The following CSMD2 variants were observed in gnomAD, a reference collection of about 807,000 sequenced individuals.
CSMD2 encodes CUB and sushi domain-containing protein 2.
CSMD2 carries 130 observed loss-of-function variants against 398.5 expected under a neutral mutation model. The observed-to-expected ratio is 0.33, with a 90% confidence interval of 0.28 to 0.38. The LOEUF (loss-of-function observed/expected upper bound fraction) is 0.38. Ranked by LOEUF, CSMD2 falls within the 10% of genes least tolerant of loss-of-function variation. CSMD2 has a pLI of 1.00. For synonymous variants in CSMD2, 1,828 were observed against 1,908.5 expected (o/e 0.96, Z 1.10); for missense variants, 3,829 against 4,764.9 (o/e 0.80, Z 5.78).
At chr1:33,923,939 A>G (rs191088736) in intron 4 of CSMD2, among the ~76,000 whole-genome samples, 3 of 152,284 alleles carry the variant, frequency 2.0e-5, no homozygotes, top group Admixed American at 2.0e-4. Flanking sequence ...GTGCCAAAAA[A>G]GGTTGGGGAC....
intron 12 of CSMD2, among the ~76,000 whole-genome samples, chr1:33,777,007 G>C (rs1409655003): frequency 6.6e-6 from 1 of 152,162 alleles, no homozygotes; most frequent in Non-Finnish European, 1.5e-5. Flanking sequence ...GGCAAGTAGG[G>C]AGGAGGAGAT....
At chr1:33,673,775 C>T (rs1370120136) in intron 25 of CSMD2, among the ~76,000 whole-genome samples, 1 of 152,232 alleles carries the variant, frequency 6.6e-6, no homozygotes, top group Non-Finnish European at 1.5e-5. Flanking sequence ...GGCAGAAACT[C>T]TGCAAGCCAG....
At chr1:34,080,438 T>C (rs1023678797) in intron 2 of CSMD2, among the ~76,000 whole-genome samples, 4 of 152,062 alleles carry the variant, frequency 2.6e-5, no homozygotes, top group African/African-American at 2.4e-5. Context: ...ATATCTTTCT[T>C]CATAGAATAC....
intron 3 of CSMD2, among the ~76,000 whole-genome samples, chr1:33,964,152 G>A (rs1261225938): frequency 1.3e-5 from 2 of 152,176 alleles, no homozygotes; most frequent in Non-Finnish European, 2.9e-5. Context: ...AGATTGAAGT[G>A]GTGCCATGGA....
At chr1:34,086,871 C>T (rs978125233) in intron 2 of CSMD2, among the ~76,000 whole-genome samples, 2 of 152,134 alleles carry the variant, frequency 1.3e-5, no homozygotes, top group East Asian at 3.9e-4. Context: ...GGATCTACCA[C>T]CTTCTGCCAC....
intron 15 of CSMD2, among the ~76,000 whole-genome samples, chr1:33,734,342 T>C (rs1266252798): frequency 2.6e-5 from 4 of 152,198 alleles, no homozygotes; most frequent in Non-Finnish European, 5.9e-5. Context: ...TTTGAAATTT[T>C]TACAACCACC....
chr1:33,636,317 C>T lies in CSMD2; in HGVS notation c.4969+43G>A, dbSNP rs766524079. 33 of 1,522,880 alleles carry T rather than the reference C, an allele frequency of 2.2e-5. No individual in the cohort carries two copies. Among genetic ancestry groups the T allele is most frequent in the Non-Finnish European group, 2.9e-5 (33 of 1,125,338 alleles). The allele number at this position is 1,522,880 out of a possible 1,614,324, so 94.3% of individuals were successfully genotyped here. A position where few individuals can be genotyped will look rare whatever the true frequency, so the allele number is the denominator to read the frequency against. ...CACAGCACCCTCTGCCCCTGGCATG[C>T]CCTCAGTTCCTCAGACCCCTGCCAT... is the stretch of plus-strand genomic sequence containing the variant. On this transcript the variant is annotated intron_variant, in intron 30 of 70. Transcript: ENST00000373381. The surrounding 1 kb of genome is among the most constrained non-coding windows in gnomAD (Gnocchi z 4.8).
chr1:34,030,859 C>T (rs1260185168), intron 3 of CSMD2, among the ~76,000 whole-genome samples: 2 of 152,176 alleles, frequency 1.3e-5, no homozygotes, highest in Non-Finnish European at 2.9e-5. Context: ...TCTAGTGTCC[C>T]TGACCCAGTC....
chr1:33,699,893 G>A (rs1645549046), intron 23 of CSMD2, among the ~76,000 whole-genome samples: 1 of 152,106 alleles, frequency 6.6e-6, no homozygotes, highest in East Asian at 1.9e-4. Context: ...GGATTTGCCT[G>A]TTCTGGACAG....
intron 42 of CSMD2, among the ~76,000 whole-genome samples, chr1:33,603,431 T>A (rs538068976): frequency 2.0e-5 from 3 of 152,144 alleles, no homozygotes; most frequent in Admixed American, 6.5e-5. Context: ...GTAGCTGACA[T>A]GGGGCATCAA....
chr1:33,594,040 T>C (rs908427244), intron 44 of CSMD2, among the ~76,000 whole-genome samples: 5 of 152,224 alleles, frequency 3.3e-5, no homozygotes, highest in Non-Finnish European at 5.9e-5. Flanking sequence ...TGCACATTTA[T>C]TAATATAAAA....
chr1:33,615,997 T>C (rs1472918786), intron 39 of CSMD2, among the ~76,000 whole-genome samples: 1 of 152,178 alleles, frequency 6.6e-6, no homozygotes, highest in Non-Finnish European at 1.5e-5. Flanking sequence ...AAATTGAGGG[T>C]AATGGTACCT....
chr1:34,023,743 T>C (rs1162681967), intron 3 of CSMD2, among the ~76,000 whole-genome samples: 5 of 152,232 alleles, frequency 3.3e-5, no homozygotes, highest in Non-Finnish European at 5.9e-5. Context: ...TTGTCATTCA[T>C]GCTCACAGTC....
At chr1:34,093,560 TA>T (rs1452175412) in intron 1 of CSMD2, among the ~76,000 whole-genome samples, 2 of 151,556 alleles carry the variant, frequency 1.3e-5, no homozygotes, top group Admixed American at 1.3e-4. Flanking sequence ...GAGAAGTGCT[TA>T]AAGGAGCTGA....
intron 5 of CSMD2, among the ~76,000 whole-genome samples, chr1:33,906,520 T>C (rs952200408): frequency 6.6e-5 from 10 of 152,164 alleles, no homozygotes; most frequent in African/African-American, 1.9e-4. Flanking sequence ...AGGTACAGTA[T>C]ATTGGGAGAA....
chr1:33,797,724 G>C (rs377018177), intron 10 of CSMD2, among the ~76,000 whole-genome samples: 1 of 152,268 alleles, frequency 6.6e-6, no homozygotes, highest in South Asian at 2.1e-4. Context: ...CACAAGGCAG[G>C]TAGTGTCTTC....
chr1:34,069,866 C>T lies in CSMD2; in HGVS notation c.404+19111G>A, dbSNP rs1483114647. On this transcript the variant is annotated intron_variant, in intron 2 of 70. Transcript: ENST00000373381. Reference sequence around the variant, plus strand: ...TTAGATACCTTATTTTTCATTTGACCAGCCAACAAACATTTGTGCAATTTA... The same window carrying T: ...TTAGATACCTTATTTTTCATTTGACTAGCCAACAAACATTTGTGCAATTTA... 2.0e-5 allele frequency among the ~76,000 whole-genome samples: 3 copies of T among 152,104 alleles called. No homozygotes were observed. In the East Asian group the frequency reaches 5.8e-4, roughly 29 times the overall value.
chr1:33,928,675 A>G (rs1352526918), intron 4 of CSMD2, among the ~76,000 whole-genome samples: 1 of 152,228 alleles, frequency 6.6e-6, no homozygotes, highest in African/African-American at 2.4e-5. Context: ...GTATAGTAAC[A>G]GTAATTGCAA....
chr1:34,087,688 C>T (rs183863074), intron 2 of CSMD2, among the ~76,000 whole-genome samples: 3 of 151,206 alleles, frequency 2.0e-5, no homozygotes, highest in Admixed American at 2.0e-4. Context: ...ACTTTCTTAC[C>T]CTGTGTGCTT....
Sources: allele counts gnomAD v4.1 joint callset (sites outside exome capture counted in the v4.1 genomes callset), GRCh38; gene constraint gnomAD v4.1.1; non-coding constraint Gnocchi (gnomAD v3.1); transcripts MANE v1.5; gene names NCBI Gene and HGNC (gene_info 2026-07-23, HGNC 2026-07-21).